Variants in TRPM3 observed in about 807,000 individuals in gnomAD.
The protein encoded by TRPM3 is long transient receptor potential channel 3.
A neutral mutation model predicts 181.2 loss-of-function variants in TRPM3; 77 were observed. That is an observed-to-expected ratio of 0.42 (90% CI 0.35 to 0.51). The LOEUF (loss-of-function observed/expected upper bound fraction) is 0.51, where lower values mean the gene tolerates loss of function less well. TRPM3 is among the 20% of genes least tolerant of loss of function. TRPM3 has a pLI of 0.01. For missense variants in TRPM3, 1,759 were observed against 2,196.7 expected (o/e 0.80, Z 3.98); for synonymous variants, 745 against 796.4 (o/e 0.94, Z 1.09).
intron 1 of TRPM3, among the ~76,000 whole-genome samples, chr9:70,925,128 T>G (rs1025987748): frequency 1.3e-5 from 2 of 152,186 alleles, no homozygotes; most frequent in East Asian, 3.8e-4. Flanking sequence ...TACCTGCCCC[T>G]TTCCAGCAGA....
In TRPM3 at chr9:71,112,862, C is replaced by G. The variant is rs763921547; in HGVS notation, c.177+8316G>C. On this transcript the variant is annotated intron_variant, in intron 1 of 25. Transcript: ENST00000677713. ...TTTCTGAACTCATCCTACTTACCTG[C>G]GTTGAGCATTAAAATATGGGCAGGG... Among the ~76,000 whole-genome samples, 6 of 152,100 alleles carry G rather than the reference C, an allele frequency of 3.9e-5. No individual in the cohort carries two copies. The South Asian group carries it at 1.2e-3, about 32-fold the overall frequency.
At chr9:70,815,794 T>G (rs1048121844) in intron 6 of TRPM3, among the ~76,000 whole-genome samples, 1 of 152,160 alleles carries the variant, frequency 6.6e-6, no homozygotes, top group Non-Finnish European at 1.5e-5. Flanking sequence ...TCTAATAGGG[T>G]TTTTTAACAG....
chr9:71,100,087 G>A (rs987769559), intron 1 of TRPM3, among the ~76,000 whole-genome samples: 1 of 152,098 alleles, frequency 6.6e-6, no homozygotes, highest in African/African-American at 2.4e-5. Flanking sequence ...TCAAGGGATA[G>A]ATATATTTCT....
intron 1 of TRPM3, among the ~76,000 whole-genome samples, chr9:71,339,545 G>T (rs1183526986): frequency 6.6e-6 from 1 of 152,010 alleles, no homozygotes; most frequent in Admixed American, 6.6e-5. Flanking sequence ...ATATGATAAA[G>T]GCGGCCTCTT....
intron 1 of TRPM3, among the ~76,000 whole-genome samples, chr9:71,203,364 T>G (rs2078922099): frequency 6.6e-6 from 1 of 152,236 alleles, no homozygotes; most frequent in Non-Finnish European, 1.5e-5. Flanking sequence ...TTGTCTCTTT[T>G]TCCCTCTTAA....
chr9:71,320,635 T>G (rs1486068805), intron 1 of TRPM3, among the ~76,000 whole-genome samples: 4 of 152,154 alleles, frequency 2.6e-5, no homozygotes, highest in Admixed American at 6.6e-5. Flanking sequence ...TCCTCTCTGC[T>G]CAACATGCAG....
intron 1 of TRPM3, among the ~76,000 whole-genome samples, chr9:71,110,211 G>A (rs1236171007): frequency 6.6e-6 from 1 of 152,082 alleles, no homozygotes; most frequent in Non-Finnish European, 1.5e-5. Context: ...GTAAATTCAA[G>A]AATGTTAAAG....
intron 6 of TRPM3, among the ~76,000 whole-genome samples, chr9:70,809,311 G>A (rs531906951): frequency 6.6e-6 from 1 of 152,230 alleles, no homozygotes; most frequent in South Asian, 2.1e-4. Flanking sequence ...ATTTAGTATA[G>A]CCTAATTATA....
intron 1 of TRPM3, among the ~76,000 whole-genome samples, chr9:71,337,891 T>C (rs958882469): frequency 1.3e-4 from 20 of 151,882 alleles, no homozygotes; most frequent in African/African-American, 4.1e-4. Context: ...ATGAGAACAC[T>C]TGGACACAGG....
intron 1 of TRPM3, among the ~76,000 whole-genome samples, chr9:71,210,006 A>G (rs1195399186): frequency 1.3e-5 from 2 of 152,208 alleles, no homozygotes; most frequent in Admixed American, 1.3e-4. Context: ...TACATTTCCC[A>G]GGACAGAGGT....
intron 1 of TRPM3, among the ~76,000 whole-genome samples, chr9:71,052,503 G>A (rs2060167118): frequency 6.6e-6 from 1 of 152,144 alleles, no homozygotes; most frequent in Non-Finnish European, 1.5e-5. Flanking sequence ...AAGGGGTGTG[G>A]AACCACAGAA....
intron 6 of TRPM3, among the ~76,000 whole-genome samples, chr9:70,822,641 A>C (rs1221109707): frequency 7.2e-5 from 11 of 152,202 alleles, no homozygotes; most frequent in Non-Finnish European, 5.9e-5. Flanking sequence ...TGATCATTGC[A>C]CAAAAACAAT....
At chr9:70,682,707 T>C (rs2065780771) in intron 8 of TRPM3, among the ~76,000 whole-genome samples, 1 of 152,154 alleles carries the variant, frequency 6.6e-6, no homozygotes. Flanking sequence ...CAAACAATGC[T>C]TAACAATAAT....
intron 1 of TRPM3, among the ~76,000 whole-genome samples, chr9:71,435,808 G>C (rs983246553): frequency 5.3e-5 from 8 of 152,174 alleles, no homozygotes; most frequent in African/African-American, 1.9e-4. Flanking sequence ...TTAAAATAAA[G>C]AGATGGTTTT....
chr9:71,239,811 C>T (rs1003782763), intron 1 of TRPM3, among the ~76,000 whole-genome samples: 7 of 151,990 alleles, frequency 4.6e-5, no homozygotes, highest in Non-Finnish European at 7.4e-5. Flanking sequence ...GGAAAACATG[C>T]TTTCATGTAA....
chr9:71,370,701 T>G (rs1473550497), intron 1 of TRPM3, among the ~76,000 whole-genome samples: 1 of 152,196 alleles, frequency 6.6e-6, no homozygotes, highest in Non-Finnish European at 1.5e-5. Flanking sequence ...TGCAACAAGT[T>G]ATTCAGAGAT....
chr9:70,688,613 C>T (rs567746672), intron 8 of TRPM3, among the ~76,000 whole-genome samples: 12 of 152,300 alleles, frequency 7.9e-5, no homozygotes, highest in Admixed American at 2.0e-4. Context: ...CAGCATGACC[C>T]AATCCCACGT....
chr9:71,256,274 C>T (rs1006763697), intron 1 of TRPM3, among the ~76,000 whole-genome samples: 2 of 152,086 alleles, frequency 1.3e-5, no homozygotes, highest in African/African-American at 2.4e-5. Flanking sequence ...ACAGCCTTGC[C>T]TCTGATTTCA....
intron 5 of TRPM3, among the ~76,000 whole-genome samples, chr9:70,833,572 G>A (rs1476924769): frequency 1.3e-5 from 2 of 152,136 alleles, no homozygotes; most frequent in African/African-American, 2.4e-5. Flanking sequence ...GCTCAAAGAG[G>A]TGAGGTATCT....
Sources: allele counts gnomAD v4.1 joint callset (sites outside exome capture counted in the v4.1 genomes callset), GRCh38; gene constraint gnomAD v4.1.1; transcripts MANE v1.5; gene names NCBI Gene and HGNC (gene_info 2026-07-23, HGNC 2026-07-21).